PCDHA7: variants seen among roughly 807,000 people sequenced by gnomAD.
PCDHA7 encodes protocadherin alpha-7.
In PCDHA7, 37 loss-of-function variants were observed where a neutral mutation model predicts 57.2. The ratio of observed to expected loss-of-function variants is 0.65; its 90% CI spans 0.50 to 0.85. The LOEUF (loss-of-function observed/expected upper bound fraction) is 0.85, where lower values mean the gene tolerates loss of function less well. Among genes scored for constraint, PCDHA7 ranks in the 40% least tolerant of loss-of-function variants. The pLI is 0.00. For synonymous variants in PCDHA7, 553 were observed against 558.8 expected, an observed-to-expected ratio of 0.99 and a Z score of 0.15; for missense variants, 1,188 against 1,241.8, an observed-to-expected ratio of 0.96 and a Z score of 0.65.
At chr5:140,990,705 G>A (rs2097408066) in intron 3 of PCDHA7, among the ~76,000 whole-genome samples, 1 of 152,132 alleles carries the variant, frequency 6.6e-6, no homozygotes, top group Non-Finnish European at 1.5e-5. Flanking sequence ...AGATTTATGG[G>A]GATAAGAGCA....
chr5:140,869,817 T>G, intron 1 of PCDHA7: 1 of 1,612,264 alleles, frequency 6.2e-7, no homozygotes, highest in Non-Finnish European at 8.5e-7. Flanking sequence ...TCAACGACAA[T>G]GATCCAGAGT....
At chr5:141,000,430 T>A (rs1295455270) in intron 3 of PCDHA7, among the ~76,000 whole-genome samples, 2 of 126,420 alleles carry the variant, frequency 1.6e-5, no homozygotes, top group African/African-American at 6.1e-5. Context: ...TATTTTTTTT[T>A]TTTTTTTTTT....
In PCDHA7 at chr5:140,916,964, T is replaced by C. The variant is rs139574694; in HGVS notation, c.2356-61985T>C. On this transcript the variant is annotated intron_variant, in intron 1 of 3. Transcript: ENST00000525929. The stretch of plus-strand genomic sequence containing the variant: ...GTGAGGCTTGCTGAGTTCTGACTGC[T>C]GGGATGAGTGATTCGCCTCTGGCCA... Among the ~76,000 whole-genome samples, 15 of 152,322 alleles carry C rather than the reference T, an allele frequency of 9.8e-5. No individual in the cohort carries two copies. In the East Asian group the frequency reaches 2.9e-3, roughly 29 times the overall value.
At chr5:140,854,583 A>T (rs1554147343) in intron 1 of PCDHA7, 1 of 149,916 alleles carries the variant, frequency 6.7e-6, no homozygotes, top group African/African-American at 2.4e-5. Flanking sequence ...AGATTTTAAT[A>T]AAAAAAGTTT....
At chr5:140,967,699 T>C (rs781874469) in intron 1 of PCDHA7, 9 of 1,614,154 alleles carry the variant, frequency 5.6e-6, no homozygotes, top group Non-Finnish European at 7.6e-6. Context: ...TCAGCATAGA[T>C]GCCAGTACCG....
intron 1 of PCDHA7, chr5:140,836,942 A>C: frequency 2.2e-6 from 1 of 454,226 alleles, no homozygotes; most frequent in Non-Finnish European, 3.8e-6. Flanking sequence ...CTATAGATCA[A>C]AATCTATGGT....
chr5:140,837,248 CTTTT>C (rs1379591542), intron 1 of PCDHA7: 2 of 152,172 alleles, frequency 1.3e-5, no homozygotes, highest in African/African-American at 2.4e-5. Flanking sequence ...TATTTATCTT[CTTTT>C]TATCATATTT....
chr5:140,835,806 T>G lies in PCDHA7; in HGVS notation c.1423T>G (p.Phe475Val), dbSNP rs1271549393. The change falls in exon 1 of 4, where the codon TTC (phenylalanine) becomes GTC (valine). Residue 475 changes from phenylalanine to valine, a missense_variant. By Grantham distance (50) the Phe-to-Val change is conservative. This residue lies in a region of PCDHA7 where 892 missense variants were observed against 788.5 expected (regional missense o/e 1.13). Transcript: ENST00000525929. ...GAACAACCCGCCGGGCTGCCACATC[T>G]TCACTGTGTCGGCGGGGGACGCGGA... is the stretch of plus-strand genomic sequence containing the variant. Reference protein sequence around the residue: ...KENNPPGCHIFTVSAGDADAQ... With the variant: ...KENNPPGCHIVTVSAGDADAQ... 2 of 1,612,866 alleles carry G rather than the reference T, an allele frequency of 1.2e-6. No individual in the cohort carries two copies. The highest frequency in any genetic ancestry group is 2.7e-5 in the African/African-American group (2 of 74,890).
At chr5:140,841,446 G>A (rs2150180701) in intron 1 of PCDHA7, 1 of 1,612,928 alleles carries the variant, frequency 6.2e-7, no homozygotes, top group Non-Finnish European at 8.5e-7. Context: ...GCCAAACACG[G>A]CACCTTCGTG....
intron 1 of PCDHA7, 191 bp downstream of exon 1, chr5:140,836,929 A>G (rs1244897487): frequency 4.0e-6 from 2 of 498,160 alleles, no homozygotes; most frequent in Non-Finnish European, 6.9e-6. Flanking sequence ...GGGATGCGTA[A>G]TACTATAGAT....
Position 140,979,718 on chromosome 5 carries a change from T to C in PCDHA7, c.2414+711T>C, listed in dbSNP as rs372148471. Among the ~76,000 whole-genome samples, 17 of 152,388 alleles carry C rather than the reference T, an allele frequency of 1.1e-4. No homozygotes were observed. The East Asian group carries it at 2.7e-3, about 24-fold the overall frequency. On this transcript the variant is annotated intron_variant, in intron 2 of 3. Transcript: ENST00000525929. ...ATTTCTGGAGGTGATCCAGTATCCA[T>C]GCCATGGGGCCAAATAAAAGATTCA...
rs1290626143 is a variant in PCDHA7 at position 141,010,228 on chromosome 5, C to G, written c.*291C>G. On this transcript the variant is annotated 3_prime_UTR_variant, in exon 4 of 4. Transcript: ENST00000525929. ...CCGCAAAGGAGAGGCTTCCCAGCCC[C>G]GCCAGTGAGAGGTTGGACTCTCTGC... The G allele has an allele frequency of 1.1e-5, 17 of 1,551,916 alleles. No individual in the cohort carries two copies. Among genetic ancestry groups the G allele is most frequent in the Non-Finnish European group, 1.5e-5 (17 of 1,147,054 alleles).
At chr5:140,927,601 G>A (rs1490799029) in intron 1 of PCDHA7, 1 of 1,614,198 alleles carries the variant, frequency 6.2e-7, no homozygotes, top group Non-Finnish European at 8.5e-7. Flanking sequence ...TGAGCGCTCC[G>A]TATACCGCAC....
At chr5:140,877,277 G>A in intron 1 of PCDHA7, 1 of 1,613,830 alleles carries the variant, frequency 6.2e-7, no homozygotes, top group South Asian at 1.1e-5. Context: ...GCTGACTCCG[G>A]CTATAACGCT....
intron 3 of PCDHA7, among the ~76,000 whole-genome samples, chr5:141,008,072 T>C (rs1419103459): frequency 2.0e-5 from 3 of 152,272 alleles, no homozygotes; most frequent in Admixed American, 6.5e-5. Context: ...TAAGAACTTA[T>C]TGGGGTTATT....
intron 1 of PCDHA7, chr5:140,967,329 G>A: frequency 6.2e-7 from 1 of 1,608,212 alleles, no homozygotes; most frequent in Non-Finnish European, 8.5e-7. Flanking sequence ...TACGAGCTCA[G>A]CCCCAGCGAG....
rs1464705038 is a variant in PCDHA7 at position 140,883,214 on chromosome 5, T to C, written c.2355+46476T>C. 4.3e-6 allele frequency: 7 copies of C among 1,613,892 alleles called. No individual in the cohort carries two copies. The highest frequency in any genetic ancestry group is 5.9e-6 in the Non-Finnish European group (7 of 1,180,024). The stretch of plus-strand genomic sequence containing the variant: ...ACTAGATTTCGAAGAAAAGAAATTA[T>C]ATGAAATATCCGTGGAGGCAGTTGA... On this transcript the variant is annotated intron_variant, in intron 1 of 3. Coordinates refer to ENST00000525929, the MANE Select transcript of PCDHA7 (RefSeq NM_018910.3).
At chr5:140,896,657 A>G (rs1554187043) in intron 1 of PCDHA7, among the ~76,000 whole-genome samples, 1 of 152,010 alleles carries the variant, frequency 6.6e-6, no homozygotes, top group East Asian at 1.9e-4. Flanking sequence ...TATTACAGGC[A>G]TGAGTCACTG....
intron 1 of PCDHA7, among the ~76,000 whole-genome samples, chr5:140,944,057 G>A (rs1394005045): frequency 1.3e-5 from 2 of 152,130 alleles, no homozygotes; most frequent in African/African-American, 4.8e-5. Context: ...GATACAAAAA[G>A]GTTTCTTGTT....
Sources: allele counts gnomAD v4.1 joint callset (sites outside exome capture counted in the v4.1 genomes callset), GRCh38; gene constraint gnomAD v4.1.1; regional missense constraint gnomAD v4.1.1; transcripts MANE v1.5; gene names NCBI Gene and HGNC (gene_info 2026-07-23, HGNC 2026-07-21).